Variants in PI4K2A observed in about 807,000 individuals in gnomAD.
The protein encoded by PI4K2A is phosphatidylinositol 4-kinase type 2 alpha, also known as phosphatidylinositol 4-kinase type 2-alpha.
A neutral mutation model predicts 55.0 loss-of-function variants in PI4K2A; 20 were observed. That is an observed-to-expected ratio of 0.36 (90% CI 0.26 to 0.53). PI4K2A has a LOEUF of 0.53. Ranked by LOEUF, PI4K2A falls within the 20% of genes least tolerant of loss-of-function variation. The pLI, the probability that PI4K2A is intolerant of heterozygous loss-of-function variation, is 0.91. For synonymous variants in PI4K2A, 235 were observed against 258.5 expected (o/e 0.91, Z 0.87); for missense variants, 463 against 637.1 (o/e 0.73, Z 2.94).
At chr10:97,655,698 C>T (rs190207471) in intron 2 of PI4K2A, among the ~76,000 whole-genome samples, 1,827 of 145,980 alleles carry the variant, frequency 0.013, 99 homozygotes, top group East Asian at 0.09. Context: ...CCTCAGCCTC[C>T]GAAGTATCTA....
chr10:97,663,479 A>T (rs2041596017), intron 5 of PI4K2A, among the ~76,000 whole-genome samples: 1 of 151,732 alleles, frequency 6.6e-6, no homozygotes, highest in African/African-American at 2.4e-5. Context: ...TGCCTAGGGG[A>T]GAGTGAGATT....
At chr10:97,666,354 A>T (rs779541208) in intron 6 of PI4K2A, 84 bp from the exon 7 acceptor site, 30 of 1,290,490 alleles carry the variant, frequency 2.3e-5, no homozygotes, top group Non-Finnish European at 3.3e-5. Flanking sequence ...GTTCTCCTTT[A>T]GAAAGTGCCT....
intron 1 of PI4K2A, among the ~76,000 whole-genome samples, chr10:97,643,903 C>A (rs971092081): frequency 6.6e-6 from 1 of 152,204 alleles, no homozygotes; most frequent in Non-Finnish European, 1.5e-5. Context: ...CTGTTATTAT[C>A]CCCGCAGGTG....
At chr10:97,662,839 T>G in intron 4 of PI4K2A, 68 bp from the exon 5 acceptor site, 1 of 911,574 alleles carries the variant, frequency 1.1e-6, no homozygotes, top group Non-Finnish European at 1.9e-6. Flanking sequence ...CCAGAATACC[T>G]AGTCCACCAT....
At chr10:97,654,818 A>G (rs576640885) in intron 2 of PI4K2A, among the ~76,000 whole-genome samples, 1 of 132,616 alleles carries the variant, frequency 7.5e-6, no homozygotes, top group Non-Finnish European at 1.6e-5. Context: ...TGACTTAAGT[A>G]TAATATTGAT....
At chr10:97,666,408 A>C (rs184626490) in intron 6 of PI4K2A, 30 bp from the exon 7 acceptor site, 1 of 1,605,102 alleles carries the variant, frequency 6.2e-7, no homozygotes, top group Non-Finnish European at 8.5e-7. Context: ...TTCCAACACC[A>C]GCTTTGCCTT....
At chr10:97,666,454 C>G in exon 7 of PI4K2A, 1 of 1,613,220 alleles carries the variant, frequency 6.2e-7, no homozygotes, top group Non-Finnish European at 8.5e-7. Context: ...TTTACTGGGC[C>G]TGGTTGCCCC....
chr10:97,667,929 CAT>C (rs1418184778), intron 8 of PI4K2A, among the ~76,000 whole-genome samples: 2 of 152,236 alleles, frequency 1.3e-5, no homozygotes, highest in African/African-American at 2.4e-5. Flanking sequence ...GAAGCACTCA[CAT>C]ATTGATTATG....
chr10:97,641,522 C>G (rs1268392944), intron 1 of PI4K2A, among the ~76,000 whole-genome samples: 1 of 152,092 alleles, frequency 6.6e-6, no homozygotes, highest in Non-Finnish European at 1.5e-5. Flanking sequence ...ATTCGGCCGC[C>G]GACTTGCAGA....
At chr10:97,648,798 G>A (rs2041517332) in intron 1 of PI4K2A, among the ~76,000 whole-genome samples, 1 of 152,298 alleles carries the variant, frequency 6.6e-6, no homozygotes, top group South Asian at 2.1e-4. Flanking sequence ...GGGGTTCCAG[G>A]GGAGCAGAGA....
rs35230006 is a variant in PI4K2A at position 97,657,668 on chromosome 10, C to CAA, written c.922+707_922+708dup. Among the ~76,000 whole-genome samples, 348 of 122,158 alleles carry CAA rather than the reference C, an allele frequency of 2.8e-3. 4 individuals are homozygous for CAA. The highest frequency in any genetic ancestry group is 9.0e-3 in the African/African-American group (311 of 34,656). The allele number at this position is 122,158 out of a possible 152,430, so 80.1% of individuals were successfully genotyped here. On this transcript the variant is annotated intron_variant, in intron 4 of 8. Transcript: ENST00000370631. Reference sequence around the variant, plus strand: ...GGGTGACAGAGCAAGACTCTGTTTCCAAAAAAAAAAAAAAGTCTCTAAAGT... The same window carrying CAA: ...GGGTGACAGAGCAAGACTCTGTTTCCAAAAAAAAAAAAAAAAGTCTCTAAAGT...
intron 1 of PI4K2A, among the ~76,000 whole-genome samples, chr10:97,645,964 C>A (rs1430023397): frequency 2.0e-5 from 3 of 152,084 alleles, no homozygotes; most frequent in African/African-American, 7.2e-5. Flanking sequence ...CAACCTATAC[C>A]ATAGAATACA....
At chr10:97,659,442 A>G (rs2041570276) in intron 4 of PI4K2A, among the ~76,000 whole-genome samples, 1 of 150,510 alleles carries the variant, frequency 6.6e-6, no homozygotes, top group African/African-American at 2.4e-5. Flanking sequence ...CACCTACACA[A>G]TCATATCTAT....
At chr10:97,652,032 G>A (rs1037836145) in intron 2 of PI4K2A, among the ~76,000 whole-genome samples, 4 of 151,884 alleles carry the variant, frequency 2.6e-5, no homozygotes, top group African/African-American at 9.7e-5. Context: ...AACAATCCTG[G>A]CTCCGTGCTT....
exon 7 of PI4K2A, chr10:97,666,438 A>G: frequency 6.2e-7 from 1 of 1,612,102 alleles, no homozygotes; most frequent in African/African-American, 1.3e-5. Context: ...CTCTTTTCAG[A>G]TCCTTTTTAC....
intron 8 of PI4K2A, 38 bp from the exon 9 acceptor site, chr10:97,673,543 A>T: frequency 6.3e-7 from 1 of 1,593,962 alleles, no homozygotes; most frequent in African/African-American, 1.3e-5. Flanking sequence ...TGGAATGCTG[A>T]GGCCTCTCCC....
intron 7 of PI4K2A, 39 bp from the exon 8 acceptor site, chr10:97,667,021 AT>A: frequency 6.5e-7 from 1 of 1,528,226 alleles, no homozygotes; most frequent in Non-Finnish European, 9.1e-7. Context: ...CCTGTGAGGC[AT>A]TCACACAGGT....
At chr10:97,661,851 AT>A (rs11293508) in intron 4 of PI4K2A, among the ~76,000 whole-genome samples, 53,037 of 125,898 alleles carry the variant, frequency 0.42, 10,278 homozygotes, top group African/African-American at 0.57. Flanking sequence ...TTCAGGTTTG[AT>A]TTTTTTTTTT....
chr10:97,656,427 A>G lies in PI4K2A; in HGVS notation c.768+11A>G. 1 of 1,612,832 alleles carries G rather than the reference A, an allele frequency of 6.2e-7. No individual in the cohort carries two copies. The highest frequency in any genetic ancestry group is 8.5e-7 in the Non-Finnish European group (1 of 1,179,208). ...GGGCTACCACCAAAGGTATAGACGC[A>G]CCTCTGGCTTATCAAGGGTCATGAT... On this transcript the variant is annotated intron_variant, in intron 3 of 8. Transcript: ENST00000370631. This position sits in a 1 kb window ranked among gnomAD's most constrained non-coding sequence, Gnocchi z 4.5.
Sources: allele counts gnomAD v4.1 joint callset (sites outside exome capture counted in the v4.1 genomes callset), GRCh38; gene constraint gnomAD v4.1.1; non-coding constraint Gnocchi (gnomAD v3.1); transcripts MANE v1.5; gene names NCBI Gene and HGNC (gene_info 2026-07-23, HGNC 2026-07-21).